Variants in DEPDC5 observed in about 807,000 individuals in gnomAD.
DEPDC5 encodes GATOR1 complex protein DEPDC5.
DEPDC5 carries 73 observed loss-of-function variants against 217.3 expected under a neutral mutation model. The ratio of observed to expected loss-of-function variants is 0.34; its 90% CI spans 0.28 to 0.41. DEPDC5 has a LOEUF of 0.41. Among genes scored for constraint, DEPDC5 ranks in the 10% least tolerant of loss-of-function variants. The probability of loss-of-function intolerance (pLI) is 1.00; values close to 1 mark genes in which losing one functional copy is unlikely to be tolerated. For synonymous variants in DEPDC5, 733 were observed against 756.7 expected (o/e 0.97, Z 0.51); for missense variants, 1,675 against 2,070.1 (o/e 0.81, Z 3.70).
intron 5 of DEPDC5, among the ~76,000 whole-genome samples, chr22:31,765,358 C>T (rs1284566861): frequency 6.6e-6 from 1 of 152,186 alleles, no homozygotes; most frequent in East Asian, 1.9e-4. Context: ...GGCGTGATCT[C>T]GGCTCACTGC....
chr22:31,799,741 C>G (rs1436082329), intron 14 of DEPDC5, among the ~76,000 whole-genome samples: 1 of 150,734 alleles, frequency 6.6e-6, no homozygotes, highest in South Asian at 2.1e-4. Flanking sequence ...ACCTCGTGAT[C>G]CACCTACCTT....
intron 35 of DEPDC5, chr22:31,873,997 T>C (rs916906832): frequency 3.1e-6 from 1 of 320,404 alleles, no homozygotes; most frequent in African/African-American, 2.3e-5. Flanking sequence ...TTCGCCATGT[T>C]GGTCAGGCTG....
chr22:31,864,811 C>T (rs1335747534), intron 33 of DEPDC5, among the ~76,000 whole-genome samples: 3 of 152,072 alleles, frequency 2.0e-5, no homozygotes, highest in African/African-American at 7.2e-5. Context: ...GCCTCAGCCT[C>T]CCAGGTAGCT....
chr22:31,758,130 T>G lies in DEPDC5; in HGVS notation c.59-416T>G, dbSNP rs575690676. The stretch of plus-strand genomic sequence containing the variant: ...TATTGTGACGGTCACATTAAGACAC[T>G]GTTTGGGAAATTCTTTGAACATTGA... On this transcript the variant is annotated intron_variant, in intron 2 of 42. Transcript: ENST00000651528. Among the ~76,000 whole-genome samples the G allele has an allele frequency of 2.0e-4, 31 of 152,310 alleles. No homozygotes were observed. In the Middle Eastern group the frequency reaches 0.01, roughly 50 times the overall value.
At chr22:31,783,237 C>T (rs1307937505) in intron 8 of DEPDC5, among the ~76,000 whole-genome samples, 1 of 152,190 alleles carries the variant, frequency 6.6e-6, no homozygotes, top group Non-Finnish European at 1.5e-5. Flanking sequence ...GCAGCGGCAG[C>T]CCAGGTCCCC....
At chr22:31,841,714 A>G (rs1217271377) in intron 27 of DEPDC5, among the ~76,000 whole-genome samples, 1 of 152,232 alleles carries the variant, frequency 6.6e-6, no homozygotes, top group Non-Finnish European at 1.5e-5. Flanking sequence ...CCAATCAGAG[A>G]CACTTTCAGT....
At chr22:31,862,590 A>G (rs1319834964) in intron 33 of DEPDC5, among the ~76,000 whole-genome samples, 1 of 152,214 alleles carries the variant, frequency 6.6e-6, no homozygotes, top group Non-Finnish European at 1.5e-5. Flanking sequence ...ACAAAATAGA[A>G]TTTTTTAAAA....
At position 31,857,548 on chromosome 22, in the gene DEPDC5, C is replaced by T. The variant is rs587777458; in HGVS notation, c.3259C>T (p.Arg1087Ter). 1 of 1,610,052 alleles carries T rather than the reference C, an allele frequency of 6.2e-7. No individual in the cohort carries two copies. The highest frequency in any genetic ancestry group is 8.5e-7 in the Non-Finnish European group (1 of 1,178,212). ...GACTCCCACCTACATGGACAGCCCACGAAAGGTAAAGGAAGCCGCGGTAGC... is the reference window on the plus strand; with the variant it reads ...GACTCCCACCTACATGGACAGCCCATGAAAGGTAAAGGAAGCCGCGGTAGC... The part of the protein sequence containing the change: ...AMTPTYMDSP[R>*]KDGAFFMEFV... Residue 1087 changes from arginine (R) to a stop codon, truncating the protein, a stop_gained, in exon 32 of 43, where the codon CGA becomes TGA. Transcript: ENST00000651528. LOFTEE classifies it high-confidence loss of function.
In DEPDC5 at chr22:31,898,575, A is replaced by G. The variant is rs184533575; in HGVS notation, c.4375+922A>G. ...GATGCTTTCTTCTTGTCCCCTTGTAAGTCTGTGTCGTGATCAGCGGCAGAG... is the reference window on the plus strand; with the variant it reads ...GATGCTTTCTTCTTGTCCCCTTGTAGGTCTGTGTCGTGATCAGCGGCAGAG... On this transcript the variant is annotated intron_variant, in intron 40 of 42. Transcript: ENST00000651528. Among the ~76,000 whole-genome samples, 14 of 152,298 alleles carry G rather than the reference A, an allele frequency of 9.2e-5. 1 individual carries two copies. Among genetic ancestry groups the G allele is most frequent in the Admixed American group, 9.2e-4 (14 of 15,298 alleles).
chr22:31,799,736 G>A (rs537954594), intron 14 of DEPDC5, among the ~76,000 whole-genome samples: 9 of 147,708 alleles, frequency 6.1e-5, no homozygotes, highest in South Asian at 4.3e-4. Flanking sequence ...TCCTGACCTC[G>A]TGATCCACCT....
intron 9 of DEPDC5, 152 bp from the exon 10 acceptor site, chr22:31,784,662 G>C (rs970479059): frequency 6.4e-5 from 38 of 592,510 alleles, no homozygotes; most frequent in Admixed American, 3.3e-5. Context: ...CCTTCTTTTT[G>C]GTCCCCTTTC....
chr22:31,859,096 T>G (rs1477182537), intron 32 of DEPDC5: 5 of 138,470 alleles, frequency 3.6e-5, no homozygotes, highest in Admixed American at 7.3e-5. Flanking sequence ...TTTTTTTTTT[T>G]TTTTTTTTTT....
At chr22:31,877,193 T>G (rs2093017308) in intron 37 of DEPDC5, among the ~76,000 whole-genome samples, 2 of 151,892 alleles carry the variant, frequency 1.3e-5, no homozygotes. Flanking sequence ...CCTAGCACTT[T>G]GGGAGGCCGA....
chr22:31,774,018 C>T (rs139747104), intron 7 of DEPDC5, among the ~76,000 whole-genome samples: 1,654 of 151,890 alleles, frequency 0.011, 29 homozygotes, highest in African/African-American at 0.037. Flanking sequence ...TTGTGGTGAG[C>T]CGAGATCGTG....
intron 31 of DEPDC5, among the ~76,000 whole-genome samples, chr22:31,848,658 A>G (rs2091874632): frequency 6.6e-6 from 1 of 152,190 alleles, no homozygotes; most frequent in Admixed American, 6.5e-5. Context: ...GGCTGCATGA[A>G]GGTCTCTGAC....
chr22:31,834,112 G>T (rs2090811124), intron 25 of DEPDC5, 132 bp downstream of exon 25: 1 of 892,776 alleles, frequency 1.1e-6, no homozygotes. Flanking sequence ...GTATGGGAAG[G>T]CGATGTGGTG....
intron 38 of DEPDC5, 145 bp from the exon 39 acceptor site, chr22:31,893,437 A>T: frequency 1.4e-6 from 1 of 710,466 alleles, no homozygotes; most frequent in Non-Finnish European, 2.1e-6. Flanking sequence ...TCCAATATCT[A>T]GATGATTTCC....
intron 14 of DEPDC5, among the ~76,000 whole-genome samples, chr22:31,802,132 T>C (rs1005160929): frequency 1.4e-5 from 2 of 145,822 alleles, no homozygotes; most frequent in African/African-American, 5.0e-5. Flanking sequence ...GAATTTTTTT[T>C]TTTTTTTTTT....
intron 11 of DEPDC5, among the ~76,000 whole-genome samples, chr22:31,792,368 G>C (rs2085765295): frequency 6.6e-6 from 1 of 152,088 alleles, no homozygotes; most frequent in African/African-American, 2.4e-5. Flanking sequence ...GACTTTGGGA[G>C]GCTGAGGTGG....
Sources: gnomAD v4.1 joint callset for allele counts (sites outside exome capture counted in the v4.1 genomes callset) on GRCh38, gnomAD v4.1.1 for gene constraint, MANE v1.5 for transcripts, NCBI Gene and HGNC (gene_info 2026-07-23, HGNC 2026-07-21) for gene names.